Variants in JARID2 observed in about 807,000 individuals in gnomAD.
JARID2 encodes the protein protein Jumonji.
Under a neutral mutation model 125.6 loss-of-function variants are expected in JARID2, and 21 were observed. That is an observed-to-expected ratio of 0.17 (90% CI 0.12 to 0.24). JARID2 has a LOEUF of 0.24. JARID2 is among the 10% of genes least tolerant of loss of function. The pLI is 1.00. For synonymous variants in JARID2, 736 were observed against 661.6 expected (o/e 1.11, Z -1.73); for missense variants, 1,303 against 1,639.6 (o/e 0.79, Z 3.55).
At chr6:15,347,624 A>G (rs1763284660) in intron 1 of JARID2, among the ~76,000 whole-genome samples, 1 of 152,226 alleles carries the variant, frequency 6.6e-6, no homozygotes, top group South Asian at 2.1e-4. Flanking sequence ...TACACCAATG[A>G]CTTTTTAAAA....
intron 2 of JARID2, among the ~76,000 whole-genome samples, chr6:15,379,468 TAAC>T (rs1764497308): frequency 6.6e-6 from 1 of 152,196 alleles, no homozygotes; most frequent in African/African-American, 2.4e-5. Flanking sequence ...ATTTAAATAA[TAAC>T]ATGCTACACA....
At chr6:15,413,993 A>AT (rs919345973) in intron 3 of JARID2, among the ~76,000 whole-genome samples, 2 of 152,096 alleles carry the variant, frequency 1.3e-5, no homozygotes, top group African/African-American at 4.8e-5. Flanking sequence ...TTTTCACTTT[A>AT]TTTTTTAGAA....
chr6:15,476,711 A>C (rs1399877447), intron 5 of JARID2, among the ~76,000 whole-genome samples: 2 of 152,254 alleles, frequency 1.3e-5, no homozygotes, highest in Non-Finnish European at 2.9e-5. Flanking sequence ...CAGAGTTTCC[A>C]AAATACTCTT....
intron 3 of JARID2, among the ~76,000 whole-genome samples, chr6:15,445,467 G>T (rs1435470240): frequency 6.6e-6 from 1 of 152,242 alleles, no homozygotes; most frequent in East Asian, 1.9e-4. Context: ...AACAGCAAGT[G>T]AGAGGTGGCT....
rs755635298 is a variant in JARID2 at position 15,410,242 on chromosome 6, A to C, written c.200A>C (p.Gln67Pro). ...CCTGTAGGGCTCCTTGGTAATGACCAGTCTAAGGGATTAGGACCAGCATCA... is the reference window on the plus strand; with the variant it reads ...CCTGTAGGGCTCCTTGGTAATGACCCGTCTAAGGGATTAGGACCAGCATCA... Reference protein sequence around the residue: ...KTVNGLLGNDQSKGLGPASEQ... With the variant: ...KTVNGLLGNDPSKGLGPASEQ... The change falls in exon 3 of 18, where the codon CAG becomes CCG. Residue 67 changes from glutamine to proline, a missense_variant. Coordinates refer to ENST00000341776, the MANE Select transcript of JARID2 (RefSeq NM_004973.4). 7.4e-5 allele frequency: 120 copies of C among 1,613,726 alleles called. No individual in the cohort carries two copies. The highest frequency in any genetic ancestry group is 1.0e-4 in the Non-Finnish European group (119 of 1,179,792).
chr6:15,381,124 C>T (rs749331314), intron 2 of JARID2, among the ~76,000 whole-genome samples: 6 of 151,010 alleles, frequency 4.0e-5, no homozygotes, highest in African/African-American at 7.3e-5. Context: ...GGGGCCGAGG[C>T]GGGTGGATCA....
intron 1 of JARID2, among the ~76,000 whole-genome samples, chr6:15,313,913 C>T (rs944988467): frequency 6.6e-6 from 1 of 152,104 alleles, no homozygotes; most frequent in Non-Finnish European, 1.5e-5. Flanking sequence ...CCTGTGTCTC[C>T]CCAAATATCC....
intron 2 of JARID2, among the ~76,000 whole-genome samples, chr6:15,376,817 G>A (rs923698177): frequency 2.0e-5 from 3 of 152,108 alleles, no homozygotes; most frequent in Non-Finnish European, 4.4e-5. Flanking sequence ...AAACAGAATT[G>A]GTATCATGGG....
At chr6:15,248,068 T>C in intron 1 of JARID2, 1 of 985,238 alleles carries the variant, frequency 1.0e-6, no homozygotes, top group Non-Finnish European at 1.2e-6. Context: ...GGGTGGGTTT[T>C]CTTTCTTATT....
intron 1 of JARID2, among the ~76,000 whole-genome samples, chr6:15,291,037 C>G (rs934251040): frequency 3.9e-5 from 6 of 152,070 alleles, no homozygotes; most frequent in Non-Finnish European, 8.8e-5. Context: ...AGTTTGAGAC[C>G]AGCCTGGACA....
intron 3 of JARID2, among the ~76,000 whole-genome samples, chr6:15,447,686 G>A (rs1767734873): frequency 6.6e-6 from 1 of 152,204 alleles, no homozygotes. Flanking sequence ...TGTTGAAAAT[G>A]CCAGTCAGCT....
intron 1 of JARID2, among the ~76,000 whole-genome samples, chr6:15,338,817 A>AC (rs1762968669): frequency 6.6e-6 from 1 of 152,164 alleles, no homozygotes; most frequent in Non-Finnish European, 1.5e-5. Flanking sequence ...AGGCCCAGTT[A>AC]CCCTTCTCCC....
At chr6:15,498,822 C>T (rs935699403) in intron 7 of JARID2, among the ~76,000 whole-genome samples, 24 of 152,218 alleles carry the variant, frequency 1.6e-4, no homozygotes, top group Admixed American at 1.5e-3. Flanking sequence ...CGTGCACCCA[C>T]GCCCGCTGAC....
intron 4 of JARID2, among the ~76,000 whole-genome samples, chr6:15,457,782 A>G (rs958636247): frequency 1.2e-4 from 19 of 152,118 alleles, no homozygotes; most frequent in African/African-American, 4.1e-4. Flanking sequence ...TGGGGAGGAA[A>G]AACCCTATAC....
intron 16 of JARID2, 75 bp from the exon 17 acceptor site, chr6:15,517,086 C>A: frequency 1.8e-6 from 2 of 1,090,340 alleles, no homozygotes; most frequent in Non-Finnish European, 2.8e-6. Context: ...CCCGGCCGGG[C>A]GTGCTCCTAC....
intron 3 of JARID2, among the ~76,000 whole-genome samples, chr6:15,413,023 G>GTTTT (rs1349875486): frequency 2.9e-5 from 2 of 68,008 alleles, no homozygotes; most frequent in African/African-American, 6.7e-5. Context: ...TTTTTTTTTT[G>GTTTT]TTTTTTTTTT....
intron 4 of JARID2, among the ~76,000 whole-genome samples, chr6:15,465,159 A>T: frequency 6.6e-6 from 1 of 152,204 alleles, no homozygotes; most frequent in Admixed American, 6.5e-5. Flanking sequence ...TTGTTAAAAA[A>T]TTATCGTCTA....
chr6:15,422,412 A>G (rs1214864911), intron 3 of JARID2, among the ~76,000 whole-genome samples: 2 of 152,196 alleles, frequency 1.3e-5, no homozygotes, highest in Non-Finnish European at 2.9e-5. Context: ...CTTGATCAGC[A>G]AGGTGAACCT....
rs73724404 is a variant in JARID2, at chr6:15,437,326, G to A, written c.324-14680G>A. 7.1e-3 allele frequency among the ~76,000 whole-genome samples: 1,080 copies of A among 152,292 alleles called. 15 individuals are homozygous for A. The highest frequency in any genetic ancestry group is 0.025 in the African/African-American group (1,038 of 41,556). On this transcript the variant is annotated intron_variant, in intron 3 of 17. Transcript: ENST00000341776. ...TGTTCAGACCTGAAAGGCAGAAACT[G>A]TGTCTCCTTCATTATCCATTCCCTA...
Sources: allele counts gnomAD v4.1 joint callset (sites outside exome capture counted in the v4.1 genomes callset), GRCh38; gene constraint gnomAD v4.1.1; transcripts MANE v1.5; gene names NCBI Gene and HGNC (gene_info 2026-07-23, HGNC 2026-07-21).